SMAD9: variants seen among roughly 807,000 people sequenced by gnomAD.
SMAD9 encodes SMAD family member 9, also known as MAD homolog 9.
A neutral mutation model predicts 46.1 loss-of-function variants in SMAD9; 36 were observed. The ratio of observed to expected loss-of-function variants is 0.78; its 90% CI spans 0.60 to 1.03. SMAD9 has a LOEUF of 1.03. Among genes scored for constraint, SMAD9 ranks in the 50% least tolerant of loss-of-function variants. The probability of loss-of-function intolerance (pLI) is 0.00; values close to 1 mark genes in which losing one functional copy is unlikely to be tolerated. For missense variants in SMAD9, 572 were observed against 599.8 expected (o/e 0.95, Z 0.48); for synonymous variants, 245 against 237.1 (o/e 1.03, Z -0.31).
upstream of SMAD9, chr13:36,920,617 C>T (rs1197385604): frequency 1.3e-5 from 2 of 152,188 alleles, no homozygotes; most frequent in Admixed American, 6.5e-5. Flanking sequence ...CGCCTCGCGT[C>T]TCTCTCTCCC....
chr13:36,877,537 T>C (rs2058357006), intron 2 of SMAD9, among the ~76,000 whole-genome samples: 1 of 152,200 alleles, frequency 6.6e-6, no homozygotes, highest in Non-Finnish European at 1.5e-5. Flanking sequence ...TTTGGATATA[T>C]TTTGGATGCT....
chr13:36,860,977 G>A (rs1164108377), intron 5 of SMAD9, among the ~76,000 whole-genome samples: 1 of 152,134 alleles, frequency 6.6e-6, no homozygotes, highest in Non-Finnish European at 1.5e-5. Context: ...ACTGTTAGTA[G>A]CTATTTAAAG....
intron 1 of SMAD9, among the ~76,000 whole-genome samples, chr13:36,899,068 A>T (rs1228798635): frequency 6.6e-6 from 1 of 152,248 alleles, no homozygotes; most frequent in African/African-American, 2.4e-5. Flanking sequence ...CTAATTAGTG[A>T]ATTTAGCAAT....
chr13:36,900,565 C>T (rs1459177647), intron 1 of SMAD9, among the ~76,000 whole-genome samples: 1 of 151,958 alleles, frequency 6.6e-6, no homozygotes, highest in South Asian at 2.1e-4. Flanking sequence ...AGGCATGAGC[C>T]ACCCGCTTGG....
At chr13:36,868,662 G>A (rs2058259030) in intron 3 of SMAD9, among the ~76,000 whole-genome samples, 1 of 152,096 alleles carries the variant, frequency 6.6e-6, no homozygotes, top group Non-Finnish European at 1.5e-5. Context: ...GAACCCAGGA[G>A]TTTGAAGTTA....
chr13:36,900,650 C>T (rs562004764), intron 1 of SMAD9, among the ~76,000 whole-genome samples: 60 of 149,142 alleles, frequency 4.0e-4, no homozygotes, highest in African/African-American at 1.4e-3. Flanking sequence ...TTATTTTTCC[C>T]GAAAGGACTT....
At chr13:36,850,716 C>T (rs2058067617) in intron 6 of SMAD9, among the ~76,000 whole-genome samples, 1 of 152,114 alleles carries the variant, frequency 6.6e-6, no homozygotes, top group Non-Finnish European at 1.5e-5. Flanking sequence ...TGTTCTCATC[C>T]ACACTTAGGG....
At chr13:36,877,661 G>A (rs936879018) in intron 2 of SMAD9, among the ~76,000 whole-genome samples, 5 of 151,890 alleles carry the variant, frequency 3.3e-5, no homozygotes, top group Non-Finnish European at 7.4e-5. Context: ...ATGAACCAGG[G>A]AAGAAGGGTG....
chr13:36,858,378 T>C (rs1307987622), intron 5 of SMAD9, among the ~76,000 whole-genome samples: 1 of 152,212 alleles, frequency 6.6e-6, no homozygotes. Flanking sequence ...ATTATTACAA[T>C]CCTTTCCCAG....
chr13:36,901,790 T>C (rs1010793572), intron 1 of SMAD9, among the ~76,000 whole-genome samples: 2 of 152,212 alleles, frequency 1.3e-5, no homozygotes, highest in South Asian at 2.1e-4. Flanking sequence ...TGCTGTCCAT[T>C]TGTATGTCTT....
intron 1 of SMAD9, among the ~76,000 whole-genome samples, chr13:36,884,565 C>A (rs1363924161): frequency 6.6e-6 from 1 of 152,224 alleles, no homozygotes; most frequent in Non-Finnish European, 1.5e-5. Flanking sequence ...AAAAGCAGCG[C>A]TGACCACATG....
chr13:36,897,213 C>A (rs1001495935), intron 1 of SMAD9, among the ~76,000 whole-genome samples: 1 of 152,172 alleles, frequency 6.6e-6, no homozygotes, highest in Non-Finnish European at 1.5e-5. Flanking sequence ...CTGACCATCA[C>A]CCACAGTTCC....
intron 6 of SMAD9, 131 bp downstream of exon 6, chr13:36,853,288 A>AAAC: frequency 1.1e-6 from 1 of 884,934 alleles, no homozygotes; most frequent in Admixed American, 2.0e-5. Flanking sequence ...CCGTCTCAAA[A>AAAC]AATAATAATA....
intron 1 of SMAD9, among the ~76,000 whole-genome samples, chr13:36,903,421 G>A (rs561343805): frequency 1.2e-4 from 19 of 152,176 alleles, no homozygotes; most frequent in East Asian, 5.8e-4. Flanking sequence ...CACCACACCC[G>A]GCCTGGAGGG....
intron 1 of SMAD9, among the ~76,000 whole-genome samples, chr13:36,903,518 A>T (rs1347798039): frequency 6.6e-6 from 1 of 152,166 alleles, no homozygotes. Flanking sequence ...ATGTACCAAA[A>T]CTAAAAATCA....
intron 1 of SMAD9, among the ~76,000 whole-genome samples, chr13:36,886,757 C>A (rs1593598719): frequency 6.6e-6 from 1 of 152,154 alleles, no homozygotes; most frequent in African/African-American, 2.4e-5. Flanking sequence ...TGGTGAAGAC[C>A]CCTTGAGGAG....
At chr13:36,918,707 G>C (rs1273133718) in intron 1 of SMAD9, among the ~76,000 whole-genome samples, 1 of 152,196 alleles carries the variant, frequency 6.6e-6, no homozygotes, top group Admixed American at 6.5e-5. Flanking sequence ...TCTATTTGGA[G>C]TTGAGAATGT....
chr13:36,879,501 C>T lies in SMAD9; in HGVS notation c.189G>A (p.Gly63=). The T allele has an allele frequency of 1.9e-6, 3 of 1,614,014 alleles. No homozygotes were observed. Among genetic ancestry groups the T allele is most frequent in the Non-Finnish European group, 1.7e-6 (2 of 1,180,032 alleles). The change falls in exon 2 of 7, where the codon GGG becomes GGA. Residue 63 remains glycine, a synonymous_variant. Coordinates refer to ENST00000379826, the MANE Select transcript of SMAD9 (RefSeq NM_001127217.3). ...GAATCGTGACGCATTTGCTGGGCTGCCCCGGGCAGCTGAGAGCCCTCTCCA... is the reference window on the plus strand; with the variant it reads ...GAATCGTGACGCATTTGCTGGGCTGTCCCGGGCAGCTGAGAGCCCTCTCCA... ...DELERALSCP[G]QPSKCVTIPR... is the part of the protein sequence containing the mutation.
At chr13:36,894,553 T>C (rs141192424) in intron 1 of SMAD9, among the ~76,000 whole-genome samples, 9 of 152,278 alleles carry the variant, frequency 5.9e-5, no homozygotes, top group African/African-American at 1.9e-4. Context: ...CATGGAACAA[T>C]TAATGAGTAG....
Sources: gnomAD v4.1 joint callset for allele counts (sites outside exome capture counted in the v4.1 genomes callset) on GRCh38, gnomAD v4.1.1 for gene constraint, MANE v1.5 for transcripts, NCBI Gene and HGNC (gene_info 2026-07-23, HGNC 2026-07-21) for gene names.